The following UGGT2 variants were observed in gnomAD, a reference collection of about 807,000 sequenced individuals.
The protein encoded by UGGT2 is UDP-glucose glycoprotein glucosyltransferase 2, also known as UDP-glucose:glycoprotein glucosyltransferase 2.
In UGGT2, 180 loss-of-function variants were observed where a neutral mutation model predicts 192.1. The ratio of observed to expected loss-of-function variants is 0.94; its 90% CI spans 0.83 to 1.06. The LOEUF is 1.06. UGGT2 is among the 50% of genes least tolerant of loss of function. The probability of loss-of-function intolerance (pLI) is 0.00; values close to 1 mark genes in which losing one functional copy is unlikely to be tolerated. For synonymous variants in UGGT2, 580 were observed against 591.0 expected (o/e 0.98, Z 0.27); for missense variants, 1,849 against 1,795.7 (o/e 1.03, Z -0.54).
At chr13:95,801,865 C>T in intron 38 of UGGT2, 53 bp from the exon 39 acceptor site, 1 of 1,600,578 alleles carries the variant, frequency 6.2e-7, no homozygotes, top group South Asian at 1.1e-5. Context: ...ATAAAAATAT[C>T]TTAAATATTA....
intron 21 of UGGT2, 53 bp downstream of exon 21, chr13:95,902,801 C>T (rs1166730700): frequency 2.6e-6 from 4 of 1,515,252 alleles, no homozygotes; most frequent in Non-Finnish European, 2.7e-6. Flanking sequence ...AATACACTCA[C>T]ACTTTTAAAA....
In UGGT2 at chr13:95,867,349, A is replaced by T; in HGVS notation, c.3548T>A (p.Leu1183His). The change falls in exon 30 of 39, where the codon CTC becomes CAC. Residue 1183 changes from leucine (L) to histidine (H), a missense_variant. By Grantham distance (99) the Leu-to-His change is moderately conservative (BLOSUM62 -3). Coordinates refer to ENST00000376747, the MANE Select transcript of UGGT2 (RefSeq NM_020121.4). ...TCTGCCCCCACATACTTTTACTTTGAGTATCTTGCTTTTGAAGCTGTTTAA... is the reference window on the plus strand; with the variant it reads ...TCTGCCCCCACATACTTTTACTTTGTGTATCTTGCTTTTGAAGCTGTTTAA... The part of the protein sequence containing the change: ...VVLNSFKSKI[L>H]KVKVKKETDK... The T allele has an allele frequency of 6.2e-7, 1 of 1,607,524 alleles. No homozygotes were observed. The highest frequency in any genetic ancestry group is 8.5e-7 in the Non-Finnish European group (1 of 1,177,568).
rs571569056 is a variant in UGGT2 at position 95,896,190 on chromosome 13, G to A, written c.2635-886C>T. On this transcript the variant is annotated intron_variant, in intron 22 of 38. Transcript: ENST00000376747. ...GTAAAAAGACCAGAATGTAATGGCT[G>A]TAGCCAGATTTTCTCACTTCCCCTT... Among the ~76,000 whole-genome samples the A allele has an allele frequency of 2.6e-5, 4 of 152,054 alleles. No individual in the cohort carries two copies. The South Asian group carries it at 8.3e-4, about 32-fold the overall frequency.
At chr13:95,876,975 G>A (rs1045505831) in intron 29 of UGGT2, 26 of 158,218 alleles carry the variant, frequency 1.6e-4, no homozygotes, top group African/African-American at 5.6e-4. Flanking sequence ...TCCGCCTCCC[G>A]AAGATTCAAG....
At chr13:95,927,390 C>T in intron 17 of UGGT2, 54 bp from the exon 18 acceptor site, 1 of 1,439,408 alleles carries the variant, frequency 6.9e-7, no homozygotes, top group Middle Eastern at 2.6e-4. Context: ...ATCCATGTTT[C>T]AAAAAGTATG....
At chr13:95,928,270 T>C (rs1371700364) in intron 17 of UGGT2, among the ~76,000 whole-genome samples, 62 of 147,828 alleles carry the variant, frequency 4.2e-4, no homozygotes, top group African/African-American at 1.1e-3. Flanking sequence ...CCCTACCTCC[T>C]GGACGGGGCG....
At chr13:96,047,416 T>A (rs890698604) in intron 1 of UGGT2, among the ~76,000 whole-genome samples, 1 of 152,122 alleles carries the variant, frequency 6.6e-6, no homozygotes, top group Non-Finnish European at 1.5e-5. Context: ...GTCCTGACTG[T>A]TAGAAGTAAA....
intron 24 of UGGT2, among the ~76,000 whole-genome samples, chr13:95,892,714 G>C (rs916470666): frequency 1.3e-5 from 2 of 151,990 alleles, no homozygotes; most frequent in Non-Finnish European, 2.9e-5. Context: ...CTTTATAAAG[G>C]CTCCCGGGAG....
intron 5 of UGGT2, among the ~76,000 whole-genome samples, chr13:96,007,108 G>A (rs2052005010): frequency 6.6e-6 from 1 of 152,180 alleles, no homozygotes; most frequent in African/African-American, 2.4e-5. Flanking sequence ...GATCAAGTGA[G>A]ATTCATCCCA....
At chr13:95,831,029 C>T (rs942742941) in intron 38 of UGGT2, among the ~76,000 whole-genome samples, 3 of 150,700 alleles carry the variant, frequency 2.0e-5, no homozygotes, top group African/African-American at 4.9e-5. Context: ...ATCACAAGGA[C>T]AGAAAACCAA....
At chr13:95,863,477 C>T (rs1052360296) in intron 31 of UGGT2, 152 bp downstream of exon 31, 5 of 616,468 alleles carry the variant, frequency 8.1e-6, no homozygotes, top group African/African-American at 5.5e-5. Flanking sequence ...AGTTTCCTAT[C>T]TTGTACACAG....
intron 38 of UGGT2, among the ~76,000 whole-genome samples, chr13:95,818,820 G>C (rs1196233736): frequency 1.3e-5 from 2 of 152,184 alleles, no homozygotes; most frequent in African/African-American, 4.8e-5. Flanking sequence ...TTATGAAACA[G>C]AGACCTGCAG....
At chr13:95,988,638 T>A (rs752036956) in intron 8 of UGGT2, among the ~76,000 whole-genome samples, 1 of 152,180 alleles carries the variant, frequency 6.6e-6, no homozygotes, top group Non-Finnish European at 1.5e-5. Flanking sequence ...TATTGATATA[T>A]TGATTTTCTA....
chr13:95,884,918 T>A (rs923902806), intron 26 of UGGT2, among the ~76,000 whole-genome samples: 2 of 152,200 alleles, frequency 1.3e-5, no homozygotes, highest in Non-Finnish European at 2.9e-5. Flanking sequence ...TTAATGAACA[T>A]GATTAGAATC....
intron 11 of UGGT2, among the ~76,000 whole-genome samples, chr13:95,972,104 G>T (rs1365070149): frequency 3.3e-5 from 5 of 149,736 alleles, no homozygotes; most frequent in Non-Finnish European, 5.9e-5. Context: ...ATTCTGTCCT[G>T]TTCAAAATTC....
At chr13:95,911,152 A>G (rs1478891943) in intron 20 of UGGT2, among the ~76,000 whole-genome samples, 1 of 152,234 alleles carries the variant, frequency 6.6e-6, no homozygotes, top group Non-Finnish European at 1.5e-5. Context: ...TCTAAAATCA[A>G]CACCCTAACA....
chr13:95,944,868 T>C (rs2049811405), intron 15 of UGGT2, among the ~76,000 whole-genome samples: 1 of 152,036 alleles, frequency 6.6e-6, no homozygotes, highest in Admixed American at 6.6e-5. Flanking sequence ...TGATTTTTAA[T>C]CTGCTTCACC....
intron 22 of UGGT2, 105 bp downstream of exon 22, chr13:95,900,702 T>TC: frequency 2.4e-6 from 3 of 1,273,808 alleles, no homozygotes; most frequent in Non-Finnish European, 3.1e-6. Flanking sequence ...ATGAACACCG[T>TC]CCTCTGTGTG....
At chr13:95,957,126 A>C (rs1157055310) in intron 12 of UGGT2, among the ~76,000 whole-genome samples, 1 of 152,248 alleles carries the variant, frequency 6.6e-6, no homozygotes, top group Non-Finnish European at 1.5e-5. Context: ...TAGGCAAATT[A>C]ATAAAGACAG....
Sources: gnomAD v4.1 joint callset for allele counts (sites outside exome capture counted in the v4.1 genomes callset) on GRCh38, gnomAD v4.1.1 for gene constraint, MANE v1.5 for transcripts, NCBI Gene and HGNC (gene_info 2026-07-23, HGNC 2026-07-21) for gene names.